The following XRCC4 variants were observed in gnomAD, a reference collection of about 807,000 sequenced individuals.
XRCC4 encodes the protein DNA repair protein XRCC4.
Under a neutral mutation model 39.1 loss-of-function variants are expected in XRCC4, and 28 were observed. The observed-to-expected ratio is 0.72, with a 90% CI of 0.53 to 0.98. The LOEUF (loss-of-function observed/expected upper bound fraction) is 0.98, where lower values mean the gene tolerates loss of function less well. Among genes scored for constraint, XRCC4 ranks in the 50% least tolerant of loss-of-function variants. The pLI is 0.00. For missense variants in XRCC4, 350 were observed against 376.4 expected, an observed-to-expected ratio of 0.93 and a Z score of 0.58; for synonymous variants, 123 against 126.4, an observed-to-expected ratio of 0.97 and a Z score of 0.18.
chr5:83,287,735 A>G (rs1274907406), intron 7 of XRCC4, among the ~76,000 whole-genome samples: 1 of 151,866 alleles, frequency 6.6e-6, no homozygotes, highest in Non-Finnish European at 1.5e-5. Context: ...TCATCTTTTC[A>G]AAAAACAGTT....
At chr5:83,176,812 G>A (rs1270433337) in intron 3 of XRCC4, among the ~76,000 whole-genome samples, 1 of 151,928 alleles carries the variant, frequency 6.6e-6, no homozygotes, top group Non-Finnish European at 1.5e-5. Context: ...TAAAGTGTTG[G>A]GGTTTCGCCA....
chr5:83,115,594 G>T (rs1746673391), intron 3 of XRCC4, among the ~76,000 whole-genome samples: 1 of 152,192 alleles, frequency 6.6e-6, no homozygotes, highest in South Asian at 2.1e-4. Flanking sequence ...GTCTTCTACA[G>T]TTGGTTTGGC....
chr5:83,302,635 G>C (rs938136574), intron 7 of XRCC4, among the ~76,000 whole-genome samples: 1 of 152,074 alleles, frequency 6.6e-6, no homozygotes, highest in Non-Finnish European at 1.5e-5. Context: ...GTTCTTATTC[G>C]GCCATCTTGC....
chr5:83,140,179 T>G (rs890234553), intron 3 of XRCC4, among the ~76,000 whole-genome samples: 1 of 152,058 alleles, frequency 6.6e-6, no homozygotes, highest in Non-Finnish European at 1.5e-5. Flanking sequence ...GATCACAAGG[T>G]GAAGTCCCAC....
chr5:83,262,253 T>A (rs1000078105), intron 7 of XRCC4, among the ~76,000 whole-genome samples: 32 of 152,136 alleles, frequency 2.1e-4, no homozygotes, highest in African/African-American at 6.3e-4. Flanking sequence ...TATTCCAGAG[T>A]TTGTGCCTGG....
intron 6 of XRCC4, among the ~76,000 whole-genome samples, chr5:83,210,549 G>T (rs1751602520): frequency 6.6e-6 from 1 of 152,080 alleles, no homozygotes; most frequent in Non-Finnish European, 1.5e-5. Flanking sequence ...TATTTGCCTT[G>T]TAATATAATA....
At chr5:83,372,673 A>G in the XRCC4 span, among the ~76,000 whole-genome samples, 1 of 152,222 alleles carries the variant, frequency 6.6e-6, no homozygotes, top group Non-Finnish European at 1.5e-5. Context: ...CCAAATTAAT[A>G]GCAGCCTTTG....
At chr5:83,184,866 A>G (rs1304662384) in intron 3 of XRCC4, among the ~76,000 whole-genome samples, 2 of 152,036 alleles carry the variant, frequency 1.3e-5, no homozygotes, top group Non-Finnish European at 2.9e-5. Context: ...TTTTACCCAT[A>G]GATGTTATTT....
At chr5:83,193,432 A>T (rs1344884917) in intron 3 of XRCC4, among the ~76,000 whole-genome samples, 2 of 152,196 alleles carry the variant, frequency 1.3e-5, no homozygotes, top group African/African-American at 4.8e-5. Context: ...ATATAAAAAA[A>T]GTTGTATACT....
chr5:83,096,192 A>G (rs1745668057), intron 1 of XRCC4, among the ~76,000 whole-genome samples: 1 of 152,048 alleles, frequency 6.6e-6, no homozygotes, highest in African/African-American at 2.4e-5. Flanking sequence ...GAAGTGCTGT[A>G]GCCAAGAAAG....
At chr5:83,251,856 T>G (rs2112876313) in intron 6 of XRCC4, among the ~76,000 whole-genome samples, 1 of 152,330 alleles carries the variant, frequency 6.6e-6, no homozygotes, top group African/African-American at 2.4e-5. Flanking sequence ...ATAATCAGTT[T>G]ATTTGGTGAT....
At chr5:83,116,986 C>T (rs2112427091) in intron 3 of XRCC4, among the ~76,000 whole-genome samples, 3 of 152,174 alleles carry the variant, frequency 2.0e-5, no homozygotes, top group Admixed American at 2.0e-4. Context: ...AATATTTATA[C>T]TCATGTTTTG....
intron 7 of XRCC4, among the ~76,000 whole-genome samples, chr5:83,271,465 A>T (rs1291553482): frequency 6.6e-6 from 1 of 152,152 alleles, no homozygotes; most frequent in African/African-American, 2.4e-5. Flanking sequence ...TTGGGATGGA[A>T]TTTATTAATT....
chr5:83,101,989 A>G (rs531008772), intron 1 of XRCC4, among the ~76,000 whole-genome samples: 1 of 149,388 alleles, frequency 6.7e-6, no homozygotes, highest in Admixed American at 6.6e-5. Flanking sequence ...TTAAACTCAA[A>G]TAGGAATTTT....
intron 3 of XRCC4, among the ~76,000 whole-genome samples, chr5:83,193,901 G>A (rs1750821409): frequency 6.6e-6 from 1 of 151,994 alleles, no homozygotes; most frequent in South Asian, 2.1e-4. Context: ...ATAATATTCT[G>A]TAGGTGACTT....
chr5:83,117,357 A>G (rs907482880), intron 3 of XRCC4, among the ~76,000 whole-genome samples: 17 of 152,162 alleles, frequency 1.1e-4, no homozygotes, highest in African/African-American at 3.9e-4. Flanking sequence ...TTAACAATTT[A>G]TCCTGATTTT....
chr5:83,135,608 T>C (rs1326553049), intron 3 of XRCC4, among the ~76,000 whole-genome samples: 1 of 152,088 alleles, frequency 6.6e-6, no homozygotes, highest in East Asian at 1.9e-4. Flanking sequence ...TGATCCTGTA[T>C]TGCCCCCTGC....
chr5:83,150,789 A>ATTG (rs1351548785), intron 3 of XRCC4, among the ~76,000 whole-genome samples: 1 of 152,150 alleles, frequency 6.6e-6, no homozygotes, highest in Non-Finnish European at 1.5e-5. Context: ...TATGGCTTGA[A>ATTG]TTGTTACCTC....
intron 7 of XRCC4, among the ~76,000 whole-genome samples, chr5:83,268,360 G>A (rs1185872918): frequency 6.6e-6 from 1 of 151,960 alleles, no homozygotes; most frequent in African/African-American, 2.4e-5. Context: ...CAAGTCATGG[G>A]GATTGACTTC....
Sources: gnomAD v4.1 joint callset for allele counts (sites outside exome capture counted in the v4.1 genomes callset) on GRCh38, gnomAD v4.1.1 for gene constraint, MANE v1.5 for transcripts, NCBI Gene and HGNC (gene_info 2026-07-23, HGNC 2026-07-21) for gene names.